The following ANO1 variants were observed in gnomAD, a reference collection of about 807,000 sequenced individuals.
ANO1 encodes anoctamin 1.
A neutral mutation model predicts 124.0 loss-of-function variants in ANO1; 59 were observed. The observed-to-expected ratio is 0.48, with a 90% CI of 0.39 to 0.59. The LOEUF (loss-of-function observed/expected upper bound fraction) is 0.59, where lower values mean the gene tolerates loss of function less well. Ranked by LOEUF, ANO1 falls within the 20% of genes least tolerant of loss-of-function variation. The pLI, the probability that ANO1 is intolerant of heterozygous loss-of-function variation, is 0.00. For synonymous variants in ANO1, 529 were observed against 532.0 expected, an observed-to-expected ratio of 0.99 and a Z score of 0.08; for missense variants, 1,059 against 1,328.0, an observed-to-expected ratio of 0.80 and a Z score of 3.15.
At chr11:70,074,976 C>G (rs75659109), upstream of ANO1, 1 of 152,200 alleles carries the variant, frequency 6.6e-6, no homozygotes. Flanking sequence ...GCCTACCATC[C>G]AAAGGGAGAC....
chr11:70,021,476 TC>T (rs1458730367), intron 1 of ANO1, among the ~76,000 whole-genome samples: 8 of 130,830 alleles, frequency 6.1e-5, no homozygotes, highest in African/African-American at 2.1e-4. Flanking sequence ...TGTTGTTGTT[TC>T]TTTTTTTTTT....
At chr11:70,068,149 TC>T (rs1555008862) in intron 1 of ANO1, among the ~76,000 whole-genome samples, 1 of 152,174 alleles carries the variant, frequency 6.6e-6, no homozygotes, top group East Asian at 1.9e-4. Context: ...TCAGCAGCTT[TC>T]CCCAGCAGCT....
At chr11:70,043,638 A>G (rs1455008385) in intron 1 of ANO1, among the ~76,000 whole-genome samples, 3 of 152,184 alleles carry the variant, frequency 2.0e-5, no homozygotes, top group African/African-American at 7.2e-5. Flanking sequence ...TCATCAAAGT[A>G]TATGCTAGTC....
At position 70,010,179 on chromosome 11, in the gene ANO1, G is replaced by GTGTGTGTATATATATATA; in HGVS notation, c.58+24014_58+24015insGTGTGTATATATATATAT. Reference sequence around the variant, plus strand: ...TGTGTGTGTGTGCGCGTGTGTGTGTGTATATATATATATATATATCACATT... The same window carrying GTGTGTGTATATATATATA: ...TGTGTGTGTGTGCGCGTGTGTGTGTGTGTGTGTATATATATATATATATATATATATATATATCACATT... On this transcript the variant is annotated intron_variant, in intron 1 of 27. Transcript: ENST00000531349. Among the ~76,000 whole-genome samples, 11 of 83,810 alleles carry GTGTGTGTATATATATATA rather than the reference G, an allele frequency of 1.3e-4. No homozygotes were observed. The East Asian group carries it at 1.7e-3, about 13-fold the overall frequency. The allele number at this position is 83,810 out of a possible 152,430, so 55.0% of individuals were successfully genotyped here.
chr11:69,972,186 CAAAAAAAA>C, the ANO1 span, among the ~76,000 whole-genome samples: 10 of 86,552 alleles, frequency 1.2e-4, no homozygotes, highest in East Asian at 1.2e-3. Flanking sequence ...GACTCCGTCT[CAAAAAAAA>C]AAAAAAAAAA....
intron 1 of ANO1, among the ~76,000 whole-genome samples, chr11:70,003,535 C>T (rs973947526): frequency 6.7e-5 from 10 of 149,978 alleles, no homozygotes; most frequent in African/African-American, 2.5e-4. Context: ...GGCATATCAC[C>T]CTTTATGTCC....
At chr11:70,005,112 CA>C (rs3078420) in intron 1 of ANO1, among the ~76,000 whole-genome samples, 67,109 of 134,774 alleles carry the variant, frequency 0.5, 16,586 homozygotes, top group African/African-American at 0.6. Flanking sequence ...GATTCCAACT[CA>C]AAAAAAAAAA....
chr11:70,115,517 G>C (rs911696754), intron 7 of ANO1, among the ~76,000 whole-genome samples: 1 of 152,138 alleles, frequency 6.6e-6, no homozygotes, highest in African/African-American at 2.4e-5. Context: ...GGAGGCTGAG[G>C]CAGGAGAATC....
intron 8 of ANO1, among the ~76,000 whole-genome samples, chr11:70,120,085 G>T (rs962865687): frequency 1.2e-4 from 19 of 152,088 alleles, no homozygotes; most frequent in African/African-American, 4.6e-4. Flanking sequence ...CTAATCAGTG[G>T]CAGGAGCCCC....
At chr11:70,123,390 G>A (rs113110293) in intron 8 of ANO1, among the ~76,000 whole-genome samples, 33 of 152,302 alleles carry the variant, frequency 2.2e-4, no homozygotes, top group East Asian at 1.5e-3. Flanking sequence ...TGCACAGCCC[G>A]TGTTACCCCA....
At chr11:69,997,060 C>T (rs1856283809) in intron 1 of ANO1, among the ~76,000 whole-genome samples, 1 of 40,286 alleles carries the variant, frequency 2.5e-5, no homozygotes, top group Non-Finnish European at 7.8e-5. Context: ...GGAGTCTGCT[C>T]CCTGGGTTGT....
chr11:69,991,498 G>A lies in ANO1; in HGVS notation c.58+5332G>A, dbSNP rs113569538. 2.9e-3 allele frequency among the ~76,000 whole-genome samples: 435 copies of A among 152,334 alleles called. 1 individual carries two copies. The highest frequency in any genetic ancestry group is 0.01 in the African/African-American group (418 of 41,582). ...TGACCAAATGCAAAGGCTGGAGGAA[G>A]CATAGCCCAGGGGACCACCATGCCA... On this transcript the variant is annotated intron_variant, in intron 1 of 27. Coordinates refer to the ANO1 transcript ENST00000531349.
intron 24 of ANO1, among the ~76,000 whole-genome samples, chr11:70,184,664 G>A (rs975016159): frequency 2.0e-5 from 3 of 152,204 alleles, no homozygotes; most frequent in African/African-American, 2.4e-5. Flanking sequence ...GCTTAGCTTC[G>A]TTCTTTCGCA....
At chr11:69,985,994 C>T (rs1856032365) in exon 1 of ANO1, 1 of 152,146 alleles carries the variant, frequency 6.6e-6, no homozygotes, top group South Asian at 2.1e-4. Flanking sequence ...CCCTCCCGAG[C>T]TAGGCTCGGA....
upstream of ANO1, among the ~76,000 whole-genome samples, chr11:69,985,208 G>A (rs1554996731): frequency 1.3e-5 from 2 of 152,176 alleles, no homozygotes; most frequent in Non-Finnish European, 1.5e-5. Flanking sequence ...ATGCACCCCC[G>A]GGTCCAGTCC....
intron 1 of ANO1, among the ~76,000 whole-genome samples, chr11:70,052,901 A>G (rs188567240): frequency 1.3e-5 from 2 of 152,222 alleles, no homozygotes; most frequent in East Asian, 1.9e-4. Context: ...ATCCATGAAC[A>G]TGGACCATCC....
intron 2 of ANO1, among the ~76,000 whole-genome samples, chr11:70,089,172 G>T (rs915425527): frequency 6.6e-6 from 1 of 152,128 alleles, no homozygotes; most frequent in African/African-American, 2.4e-5. Context: ...ATCACTGTGC[G>T]GATTACCCAA....
chr11:70,017,646 C>T (rs1555002159), intron 1 of ANO1, among the ~76,000 whole-genome samples: 1 of 151,996 alleles, frequency 6.6e-6, no homozygotes, highest in Admixed American at 6.6e-5. Context: ...TTCCGAGTAG[C>T]TGGGATTACG....
the ANO1 span, among the ~76,000 whole-genome samples, chr11:69,980,652 C>T: frequency 6.6e-6 from 1 of 151,828 alleles, no homozygotes; most frequent in Non-Finnish European, 1.5e-5. Flanking sequence ...AGATTGATGG[C>T]TGTGAGGATT....
Sources: gnomAD v4.1 joint callset for allele counts (sites outside exome capture counted in the v4.1 genomes callset) on GRCh38, gnomAD v4.1.1 for gene constraint, MANE v1.5 for transcripts, NCBI Gene and HGNC (gene_info 2026-07-23, HGNC 2026-07-21) for gene names.